The following LINGO2 variants were observed in gnomAD, a reference collection of about 807,000 sequenced individuals.
LINGO2 encodes leucine rich repeat and Ig domain containing 2.
A neutral mutation model predicts 30.6 loss-of-function variants in LINGO2; 14 were observed. The ratio of observed to expected loss-of-function variants is 0.46; its 90% CI spans 0.30 to 0.72. The LOEUF is 0.72. Among genes scored for constraint, LINGO2 ranks in the 30% least tolerant of loss-of-function variants. LINGO2 has a pLI of 0.07. For missense variants in LINGO2, 729 were observed against 751.7 expected, an observed-to-expected ratio of 0.97 and a Z score of 0.35; for synonymous variants, 317 against 288.5, an observed-to-expected ratio of 1.10 and a Z score of -1.00.
intron 4 of LINGO2, among the ~76,000 whole-genome samples, chr9:28,061,616 C>T (rs562835061): frequency 5.9e-5 from 9 of 151,952 alleles, no homozygotes; most frequent in Non-Finnish European, 1.2e-4. Flanking sequence ...GCCCATGCAC[C>T]ATGGGTACAG....
chr9:28,427,706 C>T (rs1823469595), intron 2 of LINGO2, among the ~76,000 whole-genome samples: 1 of 152,054 alleles, frequency 6.6e-6, no homozygotes, highest in Non-Finnish European at 1.5e-5. Context: ...TAAATCAGCC[C>T]TCTGTGGCAT....
intron 3 of LINGO2, among the ~76,000 whole-genome samples, chr9:28,298,171 A>G (rs1276132997): frequency 6.6e-6 from 1 of 152,192 alleles, no homozygotes; most frequent in African/African-American, 2.4e-5. Context: ...TAATGAGAAT[A>G]CAATGAAAAC....
chr9:28,451,778 C>T (rs1353437122), intron 2 of LINGO2, among the ~76,000 whole-genome samples: 1 of 151,578 alleles, frequency 6.6e-6, no homozygotes, highest in Non-Finnish European at 1.5e-5. Flanking sequence ...TAGCTACACC[C>T]AGTAGCCTAC....
chr9:27,970,479 A>C (rs991578281), intron 5 of LINGO2, among the ~76,000 whole-genome samples: 1 of 146,912 alleles, frequency 6.8e-6, no homozygotes. Context: ...TTTGAGCTGG[A>C]ATTGAGCAGA....
intron 4 of LINGO2, among the ~76,000 whole-genome samples, chr9:28,228,343 C>A (rs772889332): frequency 6.6e-6 from 1 of 151,944 alleles, no homozygotes; most frequent in Non-Finnish European, 1.5e-5. Flanking sequence ...TTCTATATAG[C>A]TTCTACCTTT....
intron 4 of LINGO2, among the ~76,000 whole-genome samples, chr9:28,020,531 A>G (rs1003659553): frequency 6.7e-6 from 1 of 148,572 alleles, no homozygotes; most frequent in African/African-American, 2.5e-5. Context: ...TCTGTCTTAT[A>G]AAAACAAAAC....
chr9:28,957,956 T>C, the LINGO2 span, among the ~76,000 whole-genome samples: 1 of 152,346 alleles, frequency 6.6e-6, no homozygotes, highest in Admixed American at 6.5e-5. Context: ...GCTGTTAACA[T>C]GTCCATTTTA....
chr9:29,127,830 T>C, the LINGO2 span, among the ~76,000 whole-genome samples: 1 of 152,272 alleles, frequency 6.6e-6, no homozygotes, highest in East Asian at 1.9e-4. Context: ...TGGCAACTCG[T>C]CCAGGGTGAA....
chr9:28,553,629 A>C (rs1238145535), intron 1 of LINGO2, among the ~76,000 whole-genome samples: 1 of 152,022 alleles, frequency 6.6e-6, no homozygotes, highest in Admixed American at 6.6e-5. Context: ...CAACGTTCAG[A>C]TTCAGGAAAT....
In LINGO2 at chr9:28,412,185, GA is replaced by G. The variant is rs59158472; in HGVS notation, c.-278-39318del. ...CATAGCTTAGCTCCCACTTGTAAGTGAAAAAAAAAAAAAAAAAAAACCTTGT... is the reference window on the plus strand; with the variant it reads ...CATAGCTTAGCTCCCACTTGTAAGTGAAAAAAAAAAAAAAAAAAACCTTGT... On this transcript the variant is annotated intron_variant, in intron 2 of 5. Transcript: ENST00000379992. Among the ~76,000 whole-genome samples the G allele has an allele frequency of 3.4e-3, 411 of 120,620 alleles. 3 individuals are homozygous for G. Among genetic ancestry groups the G allele is most frequent in the African/African-American group, 9.1e-3 (296 of 32,370 alleles). 79.1% of individuals were successfully genotyped at this position (120,620 alleles called of 152,430 possible).
At chr9:29,101,074 T>C in the LINGO2 span, among the ~76,000 whole-genome samples, 2 of 152,232 alleles carry the variant, frequency 1.3e-5, no homozygotes, top group African/African-American at 4.8e-5. Flanking sequence ...AGTATGCTTA[T>C]ATTATTTATT....
chr9:27,952,011 T>C (rs1028692402), intron 5 of LINGO2, among the ~76,000 whole-genome samples: 1 of 152,056 alleles, frequency 6.6e-6, no homozygotes, highest in Non-Finnish European at 1.5e-5. Context: ...CAGAAAGTGC[T>C]AGCAAATCAA....
intron 4 of LINGO2, among the ~76,000 whole-genome samples, chr9:28,026,682 A>AT (rs931171237): frequency 4.6e-5 from 7 of 152,104 alleles, no homozygotes; most frequent in Non-Finnish European, 8.8e-5. Flanking sequence ...ACTGTTTCTT[A>AT]TTTTTTTGAG....
At chr9:28,198,318 G>C (rs1820091720) in intron 4 of LINGO2, among the ~76,000 whole-genome samples, 1 of 151,740 alleles carries the variant, frequency 6.6e-6, no homozygotes, top group African/African-American at 2.4e-5. Context: ...CTAGTATTCT[G>C]TATAAATGTG....
At chr9:28,739,727 C>T in the LINGO2 span, among the ~76,000 whole-genome samples, 1 of 151,436 alleles carries the variant, frequency 6.6e-6, no homozygotes, top group Admixed American at 6.6e-5. Context: ...GAGTTTTTTT[C>T]TGAAATCTAT....
intron 1 of LINGO2, among the ~76,000 whole-genome samples, chr9:28,589,960 T>C (rs950615088): frequency 2.0e-5 from 3 of 152,032 alleles, no homozygotes; most frequent in African/African-American, 4.8e-5. Flanking sequence ...AACAGAGATA[T>C]AGACCAATGG....
chr9:28,906,175 T>C, the LINGO2 span, among the ~76,000 whole-genome samples: 2 of 151,782 alleles, frequency 1.3e-5, no homozygotes, highest in African/African-American at 2.4e-5. Context: ...GAGATGTGGG[T>C]CAAAGAATAT....
intron 2 of LINGO2, among the ~76,000 whole-genome samples, chr9:28,377,118 C>A (rs984099371): frequency 1.3e-5 from 2 of 152,116 alleles, no homozygotes; most frequent in Admixed American, 6.6e-5. Context: ...ATGAACAGCA[C>A]AGATTTGAAT....
the LINGO2 span, among the ~76,000 whole-genome samples, chr9:28,810,003 T>C: frequency 6.6e-6 from 1 of 152,326 alleles, no homozygotes; most frequent in South Asian, 2.1e-4. Context: ...ATTGTCTACC[T>C]AAAATCTTTG....
Sources: gnomAD v4.1 joint callset for allele counts (sites outside exome capture counted in the v4.1 genomes callset) on GRCh38, gnomAD v4.1.1 for gene constraint, MANE v1.5 for transcripts, NCBI Gene and HGNC (gene_info 2026-07-23, HGNC 2026-07-21) for gene names.